HTR2A: variants seen among roughly 807,000 people sequenced by gnomAD.
HTR2A encodes 5-HT2 receptor.
A neutral mutation model predicts 31.0 loss-of-function variants in HTR2A; 14 were observed. The observed-to-expected ratio is 0.45, with a 90% CI of 0.30 to 0.71. The LOEUF is 0.71. HTR2A is among the 30% of genes least tolerant of loss of function. The pLI is 0.09. For missense variants in HTR2A, 442 were observed against 573.3 expected (o/e 0.77, Z 2.34); for synonymous variants, 209 against 225.2 (o/e 0.93, Z 0.64).
chr13:46,833,812 A>C lies in HTR2A; in HGVS notation c.*1025T>G, dbSNP rs1876337357. On this transcript the variant is annotated 3_prime_UTR_variant, in exon 4 of 4. Transcript: ENST00000542664. The stretch of plus-strand genomic sequence containing the variant: ...TTTAATAAATAGTATAAACCGATGG[A>C]TCTGAAAGCATCAGTTTACCTGATG... 6.6e-6 allele frequency: 1 copy of C among 152,214 alleles called. No individual in the cohort carries two copies. The allele number at this position is 152,214 out of a possible 1,614,324, so 9.4% of individuals were successfully genotyped here.
At chr13:46,845,021 T>A (rs1401408035) in intron 3 of HTR2A, among the ~76,000 whole-genome samples, 2 of 151,308 alleles carry the variant, frequency 1.3e-5, no homozygotes, top group Non-Finnish European at 3.0e-5. Flanking sequence ...CTTTTTTTTT[T>A]AAGCTTTTTA....
At chr13:46,876,943 C>A (rs904537411) in intron 3 of HTR2A, among the ~76,000 whole-genome samples, 9 of 151,996 alleles carry the variant, frequency 5.9e-5, no homozygotes, top group Non-Finnish European at 1.3e-4. Flanking sequence ...AAAATGGGTT[C>A]CTATTACATT....
At chr13:46,862,015 T>C (rs1950782525) in intron 3 of HTR2A, among the ~76,000 whole-genome samples, 1 of 152,244 alleles carries the variant, frequency 6.6e-6, no homozygotes, top group Non-Finnish European at 1.5e-5. Flanking sequence ...TATTATTGCC[T>C]GTCCTTTACT....
upstream of HTR2A, among the ~76,000 whole-genome samples, chr13:46,897,687 G>A (rs1210684459): frequency 1.3e-5 from 2 of 152,150 alleles, no homozygotes; most frequent in Non-Finnish European, 2.9e-5. Context: ...TTGCAGGCAT[G>A]AAAATATTTT....
intron 3 of HTR2A, among the ~76,000 whole-genome samples, chr13:46,880,039 A>C (rs898120194): frequency 6.6e-6 from 1 of 152,022 alleles, no homozygotes; most frequent in Non-Finnish European, 1.5e-5. Flanking sequence ...AAATTAAAGG[A>C]CTGATAGCAA....
chr13:46,862,358 C>T (rs1950786116), intron 3 of HTR2A, among the ~76,000 whole-genome samples: 1 of 152,184 alleles, frequency 6.6e-6, no homozygotes, highest in African/African-American at 2.4e-5. Flanking sequence ...GTAGGTATCA[C>T]AATCCAGGAG....
chr13:46,854,016 C>T (rs1950711725), intron 3 of HTR2A: 3 of 152,158 alleles, frequency 2.0e-5, no homozygotes, highest in Admixed American at 2.0e-4. Flanking sequence ...ACTTCCAATC[C>T]TGAAAGACTA....
chr13:46,864,980 A>G (rs1258054832), intron 3 of HTR2A, among the ~76,000 whole-genome samples: 1 of 152,006 alleles, frequency 6.6e-6, no homozygotes, highest in Non-Finnish European at 1.5e-5. Flanking sequence ...TTGTCTTTAA[A>G]TTTACCCAAC....
chr13:46,889,331 T>A (rs1407072050), intron 3 of HTR2A, among the ~76,000 whole-genome samples: 1 of 152,138 alleles, frequency 6.6e-6, no homozygotes, highest in East Asian at 1.9e-4. Context: ...ATAGAAAATG[T>A]AAATGCAATA....
chr13:46,842,449 G>C (rs1465581100), intron 3 of HTR2A, among the ~76,000 whole-genome samples: 1 of 152,114 alleles, frequency 6.6e-6, no homozygotes, highest in East Asian at 1.9e-4. Flanking sequence ...AGAAGGTGTG[G>C]GGAGAAACAG....
intron 3 of HTR2A, among the ~76,000 whole-genome samples, chr13:46,852,481 G>T (rs2138201301): frequency 6.6e-6 from 1 of 152,362 alleles, no homozygotes; most frequent in African/African-American, 2.4e-5. Flanking sequence ...GCCCCTGTGT[G>T]TTTGGAGTGG....
At chr13:46,873,427 TTTATTATTATTATTA>T (rs56356002) in intron 3 of HTR2A, among the ~76,000 whole-genome samples, 106 of 144,784 alleles carry the variant, frequency 7.3e-4, no homozygotes, top group Non-Finnish European at 1.2e-3. Context: ...TAATATAAAA[TTTATTATTATTATTA>T]TTATTATTAT....
intron 3 of HTR2A, among the ~76,000 whole-genome samples, chr13:46,883,177 C>T (rs543150868): frequency 5.3e-4 from 81 of 152,016 alleles, no homozygotes; most frequent in African/African-American, 1.9e-3. Context: ...TTATCATTTT[C>T]TCTGTCCTTC....
At chr13:46,889,149 G>A (rs866209951) in intron 3 of HTR2A, among the ~76,000 whole-genome samples, 10 of 152,076 alleles carry the variant, frequency 6.6e-5, no homozygotes, top group South Asian at 6.3e-4. Context: ...AAAGTAACAG[G>A]ATGAAATAAG....
At chr13:46,873,003 C>T (rs958038073) in intron 3 of HTR2A, among the ~76,000 whole-genome samples, 5 of 152,208 alleles carry the variant, frequency 3.3e-5, no homozygotes, top group Admixed American at 3.3e-4. Flanking sequence ...GATTCTTCTG[C>T]CTCAGTAGCT....
At chr13:46,885,671 A>G (rs1043513248) in intron 3 of HTR2A, among the ~76,000 whole-genome samples, 5 of 152,370 alleles carry the variant, frequency 3.3e-5, no homozygotes, top group Admixed American at 2.0e-4. Context: ...AGATGGCCCA[A>G]GAACAAATAA....
At chr13:46,884,572 G>C (rs1177653670) in intron 3 of HTR2A, among the ~76,000 whole-genome samples, 1 of 152,152 alleles carries the variant, frequency 6.6e-6, no homozygotes, top group Non-Finnish European at 1.5e-5. Context: ...GCTGAGCCAG[G>C]AGAATGGCGT....
At position 46,882,229 on chromosome 13, in the gene HTR2A, TAAA is replaced by T. The variant is rs10648117; in HGVS notation, c.613+10158_613+10160del. On this transcript the variant is annotated intron_variant, in intron 3 of 3. Coordinates refer to ENST00000542664, the MANE Select transcript of HTR2A (RefSeq NM_000621.5). Reference sequence around the variant, plus strand: ...AGCAAGTGAAAATGGTCAGGGAAGTTAAAAAAAAAAGAGAAAGTACTAAATCAG... The same window carrying T: ...AGCAAGTGAAAATGGTCAGGGAAGTTAAAAAAAGAGAAAGTACTAAATCAG... Among the ~76,000 whole-genome samples, 5 of 148,746 alleles carry T rather than the reference TAAA, an allele frequency of 3.4e-5. No individual in the cohort carries two copies. In the East Asian group the frequency reaches 9.9e-4, roughly 29 times the overall value.
chr13:46,845,697 T>A (rs1418253673), intron 3 of HTR2A, among the ~76,000 whole-genome samples: 7 of 149,142 alleles, frequency 4.7e-5, no homozygotes, highest in African/African-American at 1.7e-4. Flanking sequence ...TACAGAGATA[T>A]AAGCAGAAAA....
Sources: allele counts gnomAD v4.1 joint callset (sites outside exome capture counted in the v4.1 genomes callset), GRCh38; gene constraint gnomAD v4.1.1; transcripts MANE v1.5; gene names NCBI Gene and HGNC (gene_info 2026-07-23, HGNC 2026-07-21).